Variants in C1orf141 observed in about 807,000 individuals in gnomAD.
C1orf141 encodes uncharacterized protein C1orf141.
C1orf141 carries 19 observed loss-of-function variants against 23.2 expected under a neutral mutation model. That is an observed-to-expected ratio of 0.82 (90% CI 0.57 to 1.20). The LOEUF (loss-of-function observed/expected upper bound fraction) is 1.20. C1orf141 is among the 50% of genes most tolerant of loss of function. The probability of loss-of-function intolerance (pLI) is 0.00; values close to 1 mark genes in which losing one functional copy is unlikely to be tolerated. For synonymous variants in C1orf141, 153 were observed against 154.6 expected (o/e 0.99, Z 0.08); for missense variants, 469 against 455.1 (o/e 1.03, Z -0.28).
At chr1:67,118,238 C>T (rs1646233607) in intron 4 of C1orf141, among the ~76,000 whole-genome samples, 1 of 152,104 alleles carries the variant, frequency 6.6e-6, no homozygotes, top group South Asian at 2.1e-4. Flanking sequence ...CAAAGATCCA[C>T]CAATACTTGG....
chr1:67,122,573 A>C (rs1325864591), intron 4 of C1orf141: 1 of 152,192 alleles, frequency 6.6e-6, no homozygotes, highest in Non-Finnish European at 1.5e-5. Context: ...CACAGCTTCA[A>C]AGTGGTACTT....
intron 5 of C1orf141, among the ~76,000 whole-genome samples, chr1:67,106,116 T>C (rs1645921454): frequency 6.6e-6 from 1 of 152,232 alleles, no homozygotes; most frequent in South Asian, 2.1e-4. Context: ...AGTCATTTTG[T>C]ATTCTGAGTA....
At chr1:67,108,848 A>G (rs1171007706) in intron 5 of C1orf141, among the ~76,000 whole-genome samples, 1 of 152,230 alleles carries the variant, frequency 6.6e-6, no homozygotes, top group African/African-American at 2.4e-5. Context: ...ATCACTAATT[A>G]TCAGGGAAAT....
chr1:67,103,328 T>C (rs747510532), intron 5 of C1orf141: 2 of 1,493,232 alleles, frequency 1.3e-6, no homozygotes, highest in South Asian at 1.4e-5. Flanking sequence ...AGTGATCTTC[T>C]ACATGCTTGT....
intron 5 of C1orf141, among the ~76,000 whole-genome samples, chr1:67,114,202 G>A (rs1270363395): frequency 1.3e-5 from 2 of 151,882 alleles, no homozygotes; most frequent in Non-Finnish European, 2.9e-5. Flanking sequence ...AGTTAAGATT[G>A]CCACCTGGAT....
chr1:67,113,287 C>A (rs1222441543), intron 5 of C1orf141, among the ~76,000 whole-genome samples: 1 of 152,052 alleles, frequency 6.6e-6, no homozygotes, highest in South Asian at 2.1e-4. Flanking sequence ...GTTGAAGATG[C>A]AATTTAAATG....
At chr1:67,116,570 T>G (rs1399646111) in intron 4 of C1orf141, among the ~76,000 whole-genome samples, 1 of 152,074 alleles carries the variant, frequency 6.6e-6, no homozygotes, top group African/African-American at 2.4e-5. Context: ...CCTATCAGAC[T>G]TGATTAAAAT....
intron 4 of C1orf141, 54 bp from the exon 5 acceptor site, chr1:67,115,518 A>T: frequency 1.4e-6 from 1 of 721,882 alleles, no homozygotes; most frequent in Non-Finnish European, 2.3e-6. Context: ...ATTACAAAAT[A>T]AATCTAAAAA....
At chr1:67,120,119 A>G (rs1013688446) in intron 4 of C1orf141, among the ~76,000 whole-genome samples, 1 of 152,074 alleles carries the variant, frequency 6.6e-6, no homozygotes, top group African/African-American at 2.4e-5. Context: ...TTAGGATCTC[A>G]TAGAGTTTGC....
intron 1 of C1orf141, among the ~76,000 whole-genome samples, chr1:67,134,118 C>A (rs1351032223): frequency 1.3e-5 from 2 of 152,212 alleles, no homozygotes; most frequent in African/African-American, 4.8e-5. Flanking sequence ...ATTCTCCTGC[C>A]TCAGCCTCCC....
chr1:67,139,332 C>T (rs552257395), upstream of C1orf141, among the ~76,000 whole-genome samples: 2 of 152,314 alleles, frequency 1.3e-5, no homozygotes, highest in Non-Finnish European at 2.9e-5. Context: ...CAGTCATTTA[C>T]TTTTGCTAGG....
chr1:67,118,752 CCTT>C (rs1186005536), intron 4 of C1orf141, among the ~76,000 whole-genome samples: 1 of 152,144 alleles, frequency 6.6e-6, no homozygotes, highest in Non-Finnish European at 1.5e-5. Context: ...TGGTCTAACT[CCTT>C]CTCTCCCTGT....
At chr1:67,116,190 T>G (rs1646190037) in intron 4 of C1orf141, among the ~76,000 whole-genome samples, 1 of 152,158 alleles carries the variant, frequency 6.6e-6, no homozygotes, top group Admixed American at 6.6e-5. Flanking sequence ...CAAAACCAAA[T>G]TATTGATTCC....
chr1:67,139,546 T>G (rs1646615296), upstream of C1orf141, among the ~76,000 whole-genome samples: 1 of 152,204 alleles, frequency 6.6e-6, no homozygotes, highest in Non-Finnish European at 1.5e-5. Flanking sequence ...GTCTTTTTCT[T>G]CTATTAAAGA....
upstream of C1orf141, among the ~76,000 whole-genome samples, chr1:67,135,401 G>A (rs114370420): frequency 0.037 from 5,704 of 152,254 alleles, 105 homozygotes; most frequent in East Asian, 0.074. Flanking sequence ...ATTAAAAACA[G>A]CAACAACAAA....
chr1:67,130,599 A>G (rs1646498692), intron 2 of C1orf141, among the ~76,000 whole-genome samples: 1 of 152,194 alleles, frequency 6.6e-6, no homozygotes, highest in South Asian at 2.1e-4. Flanking sequence ...CCATAGCATG[A>G]AATAATTTTT....
At chr1:67,104,654 A>G (rs1208825268) in intron 5 of C1orf141, among the ~76,000 whole-genome samples, 7 of 152,206 alleles carry the variant, frequency 4.6e-5, no homozygotes, top group Non-Finnish European at 8.8e-5. Flanking sequence ...AATTGTTCTC[A>G]TGCAATATAA....
intron 3 of C1orf141, among the ~76,000 whole-genome samples, chr1:67,126,748 T>C (rs1646422133): frequency 6.6e-6 from 1 of 152,112 alleles, no homozygotes; most frequent in Admixed American, 6.6e-5. Flanking sequence ...ACCCATTGGA[T>C]TGGGGGAACT....
rs1177667037 is a variant in C1orf141 at position 67,095,345 on chromosome 1, T to C, written c.493A>G (p.Arg165Gly). ...SVRNYQLSKY[R>G]SVRKKSLLPL... is the part of the protein sequence containing the mutation. Reference sequence around the variant, plus strand: ...AGCAAGCTTTTCTTTCTTACTGACCTATACTTACTTAATTGATAATTTCTG... The same window carrying C: ...AGCAAGCTTTTCTTTCTTACTGACCCATACTTACTTAATTGATAATTTCTG... Residue 165 changes from arginine to glycine, a missense_variant, in exon 7 of 8, where the codon AGG becomes GGG. Coordinates refer to ENST00000684719, the MANE Select transcript of C1orf141 (RefSeq NM_001276351.2). The C allele has an allele frequency of 6.3e-7, 1 of 1,577,698 alleles. No homozygotes were observed. The highest frequency in any genetic ancestry group is 8.7e-7 in the Non-Finnish European group (1 of 1,153,662).
Sources: allele counts gnomAD v4.1 joint callset (sites outside exome capture counted in the v4.1 genomes callset), GRCh38; gene constraint gnomAD v4.1.1; transcripts MANE v1.5; gene names NCBI Gene and HGNC (gene_info 2026-07-23, HGNC 2026-07-21).